DYNC1I1: variants seen among roughly 807,000 people sequenced by gnomAD.
DYNC1I1 encodes cytoplasmic dynein 1 intermediate chain 1.
DYNC1I1 carries 43 observed loss-of-function variants against 86.6 expected under a neutral mutation model. The ratio of observed to expected loss-of-function variants is 0.50; its 90% confidence interval spans 0.39 to 0.64. DYNC1I1 has a LOEUF of 0.64. Ranked by LOEUF, DYNC1I1 falls within the 30% of genes least tolerant of loss-of-function variation. The pLI, the probability that DYNC1I1 is intolerant of heterozygous loss-of-function variation, is 0.00. For synonymous variants in DYNC1I1, 262 were observed against 283.7 expected (o/e 0.92, Z 0.77); for missense variants, 604 against 788.8 (o/e 0.77, Z 2.81).
At chr7:95,862,551 T>C (rs1160750095) in intron 5 of DYNC1I1, among the ~76,000 whole-genome samples, 1 of 152,050 alleles carries the variant, frequency 6.6e-6, no homozygotes, top group Admixed American at 6.6e-5. Context: ...AAACAGATAA[T>C]AAAAGTTGAG....
At chr7:95,936,956 T>TCACACACACACACACACACACACACACA (rs57989893) in intron 6 of DYNC1I1, among the ~76,000 whole-genome samples, 1 of 134,190 alleles carries the variant, frequency 7.5e-6, no homozygotes, top group African/African-American at 2.8e-5. Context: ...AGAATATGTC[T>TCACACACACACACACACACACACACACA]CACACACACA....
At chr7:95,911,713 G>A (rs1223811587) in intron 6 of DYNC1I1, among the ~76,000 whole-genome samples, 1 of 152,162 alleles carries the variant, frequency 6.6e-6, no homozygotes, top group Non-Finnish European at 1.5e-5. Context: ...TGACCTTCTG[G>A]TTCAGCAGGT....
intron 6 of DYNC1I1, among the ~76,000 whole-genome samples, chr7:95,960,159 T>C (rs533537451): frequency 6.6e-6 from 1 of 152,266 alleles, no homozygotes; most frequent in South Asian, 2.1e-4. Flanking sequence ...TAGGCTAGAG[T>C]GCAGTGGTGC....
At chr7:95,865,495 G>C (rs1053147604) in intron 5 of DYNC1I1, among the ~76,000 whole-genome samples, 3 of 152,098 alleles carry the variant, frequency 2.0e-5, no homozygotes, top group African/African-American at 7.2e-5. Flanking sequence ...CTAAGGCCCA[G>C]GGTATGGCAT....
chr7:95,861,617 A>ATT (rs10717478), intron 5 of DYNC1I1, among the ~76,000 whole-genome samples: 42 of 150,632 alleles, frequency 2.8e-4, no homozygotes, highest in African/African-American at 1.0e-3. Context: ...TCTTTTTGCA[A>ATT]TTTTTTTTTT....
downstream of DYNC1I1, among the ~76,000 whole-genome samples, chr7:96,102,375 T>C (rs1432254113): frequency 6.6e-6 from 1 of 152,128 alleles, no homozygotes; most frequent in Non-Finnish European, 1.5e-5. Context: ...GTAAGATATA[T>C]GCACTCCAGA....
chr7:95,870,602 G>T (rs1282415822), intron 6 of DYNC1I1, among the ~76,000 whole-genome samples: 2 of 152,196 alleles, frequency 1.3e-5, no homozygotes, highest in Non-Finnish European at 2.9e-5. Context: ...CAACACACGA[G>T]AGTTTCTGAC....
chr7:96,067,466 T>TC (rs1554441882), intron 14 of DYNC1I1, among the ~76,000 whole-genome samples: 12 of 151,012 alleles, frequency 7.9e-5, no homozygotes, highest in South Asian at 6.3e-4. Flanking sequence ...TTTTTTTATT[T>TC]CTTCTTAAAG....
chr7:95,869,285 C>A (rs1790098069), intron 5 of DYNC1I1, among the ~76,000 whole-genome samples: 1 of 152,150 alleles, frequency 6.6e-6, no homozygotes, highest in South Asian at 2.1e-4. Context: ...TGTGCTAAGG[C>A]TTTATCACTC....
intron 14 of DYNC1I1, among the ~76,000 whole-genome samples, chr7:96,045,480 A>G (rs568064810): frequency 3.3e-5 from 5 of 152,290 alleles, no homozygotes; most frequent in Admixed American, 2.6e-4. Context: ...TTAGGAGGAG[A>G]CATCAAAAGA....
chr7:96,012,879 C>CT (rs1794308703), intron 10 of DYNC1I1, among the ~76,000 whole-genome samples: 1 of 151,944 alleles, frequency 6.6e-6, no homozygotes, highest in South Asian at 2.1e-4. Flanking sequence ...AATTAAGGAT[C>CT]TTTTTTTATT....
At chr7:95,928,519 C>G (rs928081333) in intron 6 of DYNC1I1, among the ~76,000 whole-genome samples, 1 of 152,078 alleles carries the variant, frequency 6.6e-6, no homozygotes. Context: ...GTTCTCTGCA[C>G]GGGCTCCCAC....
intron 6 of DYNC1I1, among the ~76,000 whole-genome samples, chr7:95,897,918 G>C (rs1356067816): frequency 6.6e-6 from 1 of 152,112 alleles, no homozygotes; most frequent in East Asian, 1.9e-4. Flanking sequence ...GGCAGCAGCT[G>C]CTCGCCATGT....
chr7:96,049,450 G>A (rs1424181745), intron 14 of DYNC1I1, among the ~76,000 whole-genome samples: 1 of 152,044 alleles, frequency 6.6e-6, no homozygotes, highest in Non-Finnish European at 1.5e-5. Context: ...ACAAAGATAT[G>A]AGATGGGTAA....
intron 14 of DYNC1I1, among the ~76,000 whole-genome samples, chr7:96,065,519 A>C (rs917788034): frequency 6.6e-6 from 1 of 151,708 alleles, no homozygotes; most frequent in African/African-American, 2.4e-5. Flanking sequence ...CTGGGACTAC[A>C]GGCATTCATC....
chr7:96,035,995 C>T lies in DYNC1I1; in HGVS notation c.1364+243C>T, dbSNP rs1024486068. Among the ~76,000 whole-genome samples, 8 of 152,274 alleles carry T rather than the reference C, an allele frequency of 5.3e-5. 1 individual carries two copies. Among genetic ancestry groups the T allele is most frequent in the African/African-American group, 1.9e-4 (8 of 41,554 alleles). On this transcript the variant is annotated intron_variant, in intron 13 of 16. Coordinates refer to ENST00000447467, the MANE Select transcript of DYNC1I1 (RefSeq NM_001135556.2). Reference sequence around the variant, plus strand: ...GAGCTTCTGAGCCTATCATAACAGACCACTTGCACCTTCCCAGCATCTCCG... The same window carrying T: ...GAGCTTCTGAGCCTATCATAACAGATCACTTGCACCTTCCCAGCATCTCCG...
chr7:95,987,011 A>G, intron 8 of DYNC1I1, 45 bp from the exon 9 acceptor site: 1 of 1,568,096 alleles, frequency 6.4e-7, no homozygotes. Context: ...TGAGCAGCAT[A>G]GAGAAAGAGC....
At chr7:95,786,403 G>T (rs1271641276) in intron 1 of DYNC1I1, among the ~76,000 whole-genome samples, 1 of 152,094 alleles carries the variant, frequency 6.6e-6, no homozygotes. Flanking sequence ...GCACTCTTTA[G>T]TACGTTATAC....
At chr7:96,085,431 C>G (rs1435402359) in intron 16 of DYNC1I1, among the ~76,000 whole-genome samples, 1 of 151,870 alleles carries the variant, frequency 6.6e-6, no homozygotes, top group Non-Finnish European at 1.5e-5. Context: ...GCCTATGACT[C>G]AAGAGGTAAA....
Sources: gnomAD v4.1 joint callset for allele counts (sites outside exome capture counted in the v4.1 genomes callset) on GRCh38, gnomAD v4.1.1 for gene constraint, MANE v1.5 for transcripts, NCBI Gene and HGNC (gene_info 2026-07-23, HGNC 2026-07-21) for gene names.